ZFHX3: variants seen among roughly 807,000 people sequenced by gnomAD.
ZFHX3 encodes the protein zinc finger homeobox 3.
A neutral mutation model predicts 279.1 loss-of-function variants in ZFHX3; 42 were observed. The observed-to-expected ratio is 0.15, with a 90% CI of 0.12 to 0.19. ZFHX3 has a LOEUF of 0.19. ZFHX3 is among the 10% of genes least tolerant of loss of function. ZFHX3 has a pLI of 1.00. For missense variants in ZFHX3, 4,981 were observed against 4,754.0 expected (o/e 1.05, Z -1.40); for synonymous variants, 2,293 against 1,957.8 (o/e 1.17, Z -4.52).
At chr16:73,666,178 G>A (rs553175018) in intron 2 of ZFHX3, among the ~76,000 whole-genome samples, 3 of 151,638 alleles carry the variant, frequency 2.0e-5, no homozygotes, top group Admixed American at 6.6e-5. Context: ...GAGTTTGATC[G>A]GATATGGAAA....
intron 7 of ZFHX3, chr16:72,809,730 A>G (rs1046130230): frequency 6.6e-6 from 1 of 152,232 alleles, no homozygotes; most frequent in African/African-American, 2.4e-5. Context: ...CCTGCACATT[A>G]TAACGTGCAG....
intron 3 of ZFHX3, among the ~76,000 whole-genome samples, chr16:73,438,225 C>T (rs556537329): frequency 6.6e-6 from 1 of 152,240 alleles, no homozygotes; most frequent in East Asian, 1.9e-4. Flanking sequence ...TTCAGCTCAT[C>T]AAGAAAAAGT....
intron 3 of ZFHX3, among the ~76,000 whole-genome samples, chr16:73,363,123 T>C (rs1444676401): frequency 2.0e-5 from 3 of 152,162 alleles, no homozygotes; most frequent in East Asian, 1.9e-4. Context: ...CGGAATAGAA[T>C]TGAGGCACCA....
At chr16:72,933,931 A>G (rs1959968890) in intron 3 of ZFHX3, among the ~76,000 whole-genome samples, 1 of 143,386 alleles carries the variant, frequency 7.0e-6, no homozygotes, top group Non-Finnish European at 1.5e-5. Flanking sequence ...CCATTCTCCC[A>G]CCTCAGCCTC....
intron 2 of ZFHX3, among the ~76,000 whole-genome samples, chr16:73,623,265 T>C (rs1300000467): frequency 1.3e-5 from 2 of 152,166 alleles, no homozygotes; most frequent in South Asian, 2.1e-4. Flanking sequence ...CTCAATCTCC[T>C]GACCTCGTGA....
intron 5 of ZFHX3, among the ~76,000 whole-genome samples, chr16:72,823,617 A>G (rs951364244): frequency 3.3e-5 from 5 of 152,238 alleles, no homozygotes. Flanking sequence ...TCCAGGGTAT[A>G]TTAACTAGCC....
chr16:73,288,590 G>T (rs1173671907), intron 4 of ZFHX3, among the ~76,000 whole-genome samples: 1 of 152,106 alleles, frequency 6.6e-6, no homozygotes, highest in Non-Finnish European at 1.5e-5. Flanking sequence ...CACGCTGTCC[G>T]CAGCGGAGAT....
intron 2 of ZFHX3, among the ~76,000 whole-genome samples, chr16:73,651,921 A>C (rs2052676081): frequency 1.3e-5 from 2 of 152,090 alleles, no homozygotes; most frequent in Non-Finnish European, 2.9e-5. Flanking sequence ...ATGGAAGTCA[A>C]AAGACAGTAG....
intron 2 of ZFHX3, among the ~76,000 whole-genome samples, chr16:73,579,449 G>A (rs970714736): frequency 6.6e-6 from 1 of 151,462 alleles, no homozygotes; most frequent in Non-Finnish European, 1.5e-5. Flanking sequence ...TCACAAATAC[G>A]TATCATACAC....
At chr16:73,506,970 C>A (rs1007473747) in intron 2 of ZFHX3, among the ~76,000 whole-genome samples, 1 of 152,140 alleles carries the variant, frequency 6.6e-6, no homozygotes, top group African/African-American at 2.4e-5. Context: ...AGGGCTCCAA[C>A]CTGACCCTTC....
rs1655733590 is a variant in ZFHX3 at position 72,793,138 on chromosome 16, TAG to T, written c.9427+115_9427+116del. On this transcript the variant is annotated intron_variant, in intron 9 of 9. Transcript: ENST00000268489. The surrounding 1 kb of genome is among the most constrained non-coding windows in gnomAD (Gnocchi z 4.3). ...TGAAGTCTTGTTGCTTTTAAAGAAC[TAG>T]AAAGGTAAGCTTCCCATCTGCCCAG... 23 of 1,490,788 alleles carry T rather than the reference TAG, an allele frequency of 1.5e-5. 1 individual carries two copies. The South Asian group carries it at 3.2e-4, about 21-fold the overall frequency. 92.3% of individuals were successfully genotyped at this position (1,490,788 alleles called of 1,614,324 possible).
rs559210501 is a variant in ZFHX3, at chr16:72,959,639, A to T, written c.507T>A (p.Leu169=). Residue 169 remains leucine (L), a synonymous_variant, in exon 2 of 10, where the codon CTT becomes CTA. Coordinates refer to ENST00000268489, the MANE Select transcript of ZFHX3 (RefSeq NM_006885.4). ...CCGCGCCAGGGAGAGAGTTCAGGAA[A>T]AGCGAGGGGAGAGGCCCACTGCCAC... ...SGSGSGPLPS[L]FLNSLPGAGG... is the part of the protein sequence containing the mutation. The T allele has an allele frequency of 2.2e-5, 36 of 1,614,028 alleles. No individual in the cohort carries two copies. The South Asian group carries it at 3.8e-4, about 17-fold the overall frequency.
upstream of ZFHX3, chr16:73,048,271 G>C (rs937573547): frequency 6.6e-6 from 1 of 151,898 alleles, no homozygotes. Context: ...TCGGCTCCCC[G>C]GGCAAAGCCT....
chr16:73,176,793 C>T (rs748682513), intron 5 of ZFHX3, among the ~76,000 whole-genome samples: 2 of 151,712 alleles, frequency 1.3e-5, no homozygotes, highest in African/African-American at 2.4e-5. Context: ...CTGGTCCAGC[C>T]CTATCCTGCC....
chr16:73,665,190 G>T (rs2052823744), intron 2 of ZFHX3, among the ~76,000 whole-genome samples: 1 of 148,690 alleles, frequency 6.7e-6, no homozygotes, highest in Admixed American at 6.8e-5. Context: ...TTGAAGAGAT[G>T]ATCTTTCTGA....
At chr16:73,028,396 G>A (rs939689667) in intron 1 of ZFHX3, among the ~76,000 whole-genome samples, 14 of 152,178 alleles carry the variant, frequency 9.2e-5, no homozygotes, top group Admixed American at 7.9e-4. Flanking sequence ...ATGCCCAGGT[G>A]TGGCCAGGCA....
chr16:73,787,699 C>T (rs1455058338), intron 1 of ZFHX3, among the ~76,000 whole-genome samples: 3 of 152,254 alleles, frequency 2.0e-5, no homozygotes, highest in Middle Eastern at 3.4e-3. Context: ...GATGGATGCA[C>T]TATCTGGCAT....
At chr16:73,381,431 G>A (rs900239075) in intron 3 of ZFHX3, among the ~76,000 whole-genome samples, 9 of 152,130 alleles carry the variant, frequency 5.9e-5, no homozygotes, top group Admixed American at 1.3e-4. Context: ...AAATCTAAGT[G>A]GTTTGGGCAG....
intron 1 of ZFHX3, among the ~76,000 whole-genome samples, chr16:72,995,333 A>T (rs1256583232): frequency 6.6e-6 from 1 of 152,156 alleles, no homozygotes; most frequent in Non-Finnish European, 1.5e-5. Flanking sequence ...TGGAGGACGG[A>T]ACGGGAACTG....
Sources: allele counts gnomAD v4.1 joint callset (sites outside exome capture counted in the v4.1 genomes callset), GRCh38; gene constraint gnomAD v4.1.1; non-coding constraint Gnocchi (gnomAD v3.1); transcripts MANE v1.5; gene names NCBI Gene and HGNC (gene_info 2026-07-23, HGNC 2026-07-21).